The following PCDHA4 variants were observed in gnomAD, a reference collection of about 807,000 sequenced individuals.
The protein encoded by PCDHA4 is protocadherin alpha-4.
A neutral mutation model predicts 61.4 loss-of-function variants in PCDHA4; 49 were observed. The ratio of observed to expected loss-of-function variants is 0.80; its 90% CI spans 0.63 to 1.01. PCDHA4 has a LOEUF of 1.01. Among genes scored for constraint, PCDHA4 ranks in the 50% least tolerant of loss-of-function variants. The pLI is 0.00. For synonymous variants in PCDHA4, 590 were observed against 550.3 expected, an observed-to-expected ratio of 1.07 and a Z score of -1.01; for missense variants, 1,254 against 1,235.8, an observed-to-expected ratio of 1.01 and a Z score of -0.22.
intron 1 of PCDHA4, among the ~76,000 whole-genome samples, chr5:140,844,990 A>G (rs1313324994): frequency 6.7e-6 from 1 of 149,154 alleles, no homozygotes; most frequent in Non-Finnish European, 1.5e-5. Flanking sequence ...TAAATCTTTT[A>G]ATCACTTATG....
At chr5:140,972,334 A>G (rs2153793460) in intron 1 of PCDHA4, among the ~76,000 whole-genome samples, 1 of 151,024 alleles carries the variant, frequency 6.6e-6, no homozygotes, top group Admixed American at 6.6e-5. Flanking sequence ...TTTTTGGAAG[A>G]GATGGGGGTC....
rs187844001 is a variant in PCDHA4 at position 140,981,487 on chromosome 5, T to C, written c.2445-988T>C. On this transcript the variant is annotated intron_variant, in intron 2 of 3. Coordinates refer to ENST00000530339, the MANE Select transcript of PCDHA4 (RefSeq NM_018907.4). ...TACTTGGGAGGCTGAGGCAGGAGAA[T>C]TGCTTGAACCTGGGAGGCAGAGGTT... Among the ~76,000 whole-genome samples the C allele has an allele frequency of 5.5e-3, 843 of 152,250 alleles. 8 individuals carry two copies. Among genetic ancestry groups the C allele is most frequent in the African/African-American group, 0.019 (806 of 41,542 alleles).
At chr5:140,904,074 T>G (rs2070811489) in intron 1 of PCDHA4, among the ~76,000 whole-genome samples, 1 of 152,214 alleles carries the variant, frequency 6.6e-6, no homozygotes, top group East Asian at 1.9e-4. Flanking sequence ...GGGAACAGTA[T>G]TTGGTTACAT....
At chr5:140,840,473 G>T (rs1487904967) in intron 1 of PCDHA4, among the ~76,000 whole-genome samples, 1 of 151,942 alleles carries the variant, frequency 6.6e-6, no homozygotes, top group African/African-American at 2.4e-5. Flanking sequence ...GGGGAAAAAA[G>T]TTTAAAGGCA....
At chr5:140,877,296 C>A (rs781799440) in intron 1 of PCDHA4, 2 of 1,613,942 alleles carry the variant, frequency 1.2e-6, no homozygotes, top group Non-Finnish European at 1.7e-6. Context: ...CTTGGCTGTC[C>A]TACGAGTTGC....
intron 1 of PCDHA4, among the ~76,000 whole-genome samples, chr5:140,931,278 T>G (rs1488323710): frequency 1.3e-5 from 2 of 152,174 alleles, no homozygotes; most frequent in Non-Finnish European, 2.9e-5. Context: ...TCTTTTATTT[T>G]CATTGCTTTC....
chr5:140,962,329 T>A (rs1341757607), intron 1 of PCDHA4, among the ~76,000 whole-genome samples: 1 of 152,250 alleles, frequency 6.6e-6, no homozygotes, highest in Non-Finnish European at 1.5e-5. Context: ...TTGAGAATAC[T>A]GATAAAGAAG....
Position 140,995,742 on chromosome 5 carries a change from A to G in PCDHA4, c.2533+13179A>G, listed in dbSNP as rs1354360972. Among the ~76,000 whole-genome samples the G allele has an allele frequency of 7.2e-5, 11 of 152,280 alleles. No individual in the cohort carries two copies. In the East Asian group the frequency reaches 2.1e-3, roughly 29 times the overall value. On this transcript the variant is annotated intron_variant, in intron 3 of 3. Coordinates refer to ENST00000530339, the MANE Select transcript of PCDHA4 (RefSeq NM_018907.4). Reference sequence around the variant, plus strand: ...CTTAGGTAATCCTGGTGGATTTGGTATATCATGTCTGAGAAAATGTGGAGA... The same window carrying G: ...CTTAGGTAATCCTGGTGGATTTGGTGTATCATGTCTGAGAAAATGTGGAGA...
chr5:140,957,076 A>C (rs1554222802), intron 1 of PCDHA4, among the ~76,000 whole-genome samples: 1 of 152,174 alleles, frequency 6.6e-6, no homozygotes, highest in Non-Finnish European at 1.5e-5. Context: ...AGGGCTTTTT[A>C]TTAAGGAAAA....
chr5:140,903,823 G>A (rs1303323584), intron 1 of PCDHA4, among the ~76,000 whole-genome samples: 1 of 152,048 alleles, frequency 6.6e-6, no homozygotes, highest in Non-Finnish European at 1.5e-5. Flanking sequence ...TCACATGAAT[G>A]TCTGTTGGTA....
At chr5:140,848,473 TAGA>T in intron 1 of PCDHA4, 2 of 1,556,440 alleles carry the variant, frequency 1.3e-6, no homozygotes, top group Non-Finnish European at 8.7e-7. Context: ...TTTCACTAAT[TAGA>T]AGAAGACTGA....
In PCDHA4 at chr5:140,993,233, G is replaced by A. The variant is rs143093605; in HGVS notation, c.2533+10670G>A. ...TTTAGCTTTTTGGTATGTTCTCTCT[G>A]AATCTGGGGATTTAGATATATAAAT... On this transcript the variant is annotated intron_variant, in intron 3 of 3. Coordinates refer to ENST00000530339, the MANE Select transcript of PCDHA4 (RefSeq NM_018907.4). Among the ~76,000 whole-genome samples the A allele has an allele frequency of 2.0e-5, 3 of 152,224 alleles. No individual in the cohort carries two copies. The East Asian group carries it at 5.8e-4, about 29-fold the overall frequency.
intron 1 of PCDHA4, chr5:140,848,263 A>C: frequency 2.1e-6 from 1 of 484,676 alleles, no homozygotes; most frequent in Non-Finnish European, 3.6e-6. Context: ...TGAAATTTTT[A>C]TTCATGAAAT....
At chr5:140,826,116 C>T (rs1316414484) in intron 1 of PCDHA4, among the ~76,000 whole-genome samples, 2 of 152,140 alleles carry the variant, frequency 1.3e-5, no homozygotes, top group Non-Finnish European at 2.9e-5. Flanking sequence ...TTATATATTC[C>T]TAATATCCTG....
Position 140,843,987 on chromosome 5 carries a change from G to T in PCDHA4, c.2385+34415G>T, listed in dbSNP as rs1007978772. ...ATTTATTTTGGCCTGCCTTACAGCCGTCTTCTCTGAACAATACTCTAAGGA... is the reference window on the plus strand; with the variant it reads ...ATTTATTTTGGCCTGCCTTACAGCCTTCTTCTCTGAACAATACTCTAAGGA... On this transcript the variant is annotated intron_variant, in intron 1 of 3. Coordinates refer to ENST00000530339, the MANE Select transcript of PCDHA4 (RefSeq NM_018907.4). Among the ~76,000 whole-genome samples the T allele has an allele frequency of 1.5e-4, 23 of 149,540 alleles. 2 individuals are homozygous for T. The highest frequency in any genetic ancestry group is 5.6e-4 in the African/African-American group (23 of 40,920).
chr5:140,807,343 G>A lies in PCDHA4; in HGVS notation c.156G>A (p.Leu52=). ...GTFVGRIAQD[L]GLELAELVPR... ...TCGTGGGCCGCATCGCGCAGGACCTGGGACTGGAGCTGGCGGAGCTGGTGC... is the reference window on the plus strand; with the variant it reads ...TCGTGGGCCGCATCGCGCAGGACCTAGGACTGGAGCTGGCGGAGCTGGTGC... The change falls in exon 1 of 4, where the codon CTG becomes CTA. Residue 52 remains leucine, a synonymous_variant. Transcript: ENST00000530339. The A allele has an allele frequency of 6.2e-7, 1 of 1,613,188 alleles. No individual in the cohort carries two copies. The highest frequency in any genetic ancestry group is 8.5e-7 in the Non-Finnish European group (1 of 1,179,928).
rs2150127627 is a variant in PCDHA4 at position 140,823,632 on chromosome 5, C to T, written c.2385+14060C>T. On this transcript the variant is annotated intron_variant, in intron 1 of 3. Coordinates refer to ENST00000530339, the MANE Select transcript of PCDHA4 (RefSeq NM_018907.4). Reference sequence around the variant, plus strand: ...AGCCAGCGCCTGGCAGTGCGCGCATCCCGTTCCGCGTGGGGCTGTACACAG... The same window carrying T: ...AGCCAGCGCCTGGCAGTGCGCGCATTCCGTTCCGCGTGGGGCTGTACACAG... The T allele has an allele frequency of 2.4e-5, 39 of 1,614,058 alleles. No homozygotes were observed. The South Asian group carries it at 4.1e-4, about 17-fold the overall frequency.
intron 1 of PCDHA4, chr5:140,822,738 C>T (rs2150118963): frequency 1.2e-6 from 2 of 1,613,298 alleles, no homozygotes; most frequent in Non-Finnish European, 8.5e-7. Flanking sequence ...ATATTGATGC[C>T]ATGGATAAAA....
At chr5:140,829,291 CT>C in intron 1 of PCDHA4, 1 of 1,614,248 alleles carries the variant, frequency 6.2e-7, no homozygotes, top group Non-Finnish European at 8.5e-7. Context: ...TGGTGTCCAC[CT>C]TCAAGAATTA....
Sources: gnomAD v4.1 joint callset for allele counts (sites outside exome capture counted in the v4.1 genomes callset) on GRCh38, gnomAD v4.1.1 for gene constraint, MANE v1.5 for transcripts, NCBI Gene and HGNC (gene_info 2026-07-23, HGNC 2026-07-21) for gene names.